The following EXOC6 variants were observed in gnomAD, a reference collection of about 807,000 sequenced individuals.
The protein encoded by EXOC6 is SEC15-like 1.
A neutral mutation model predicts 112.5 loss-of-function variants in EXOC6; 60 were observed. That is an observed-to-expected ratio of 0.53 (90% CI 0.43 to 0.66). The LOEUF is 0.66. Among genes scored for constraint, EXOC6 ranks in the 30% least tolerant of loss-of-function variants. The probability of loss-of-function intolerance (pLI) is 0.00; values close to 1 mark genes in which losing one functional copy is unlikely to be tolerated. For synonymous variants in EXOC6, 295 were observed against 308.0 expected, an observed-to-expected ratio of 0.96 and a Z score of 0.44; for missense variants, 855 against 957.1, an observed-to-expected ratio of 0.89 and a Z score of 1.41.
intron 14 of EXOC6, 141 bp from the exon 15 acceptor site, chr10:92,952,132 C>A (rs1454477000): frequency 5.2e-6 from 3 of 581,872 alleles, no homozygotes; most frequent in African/African-American, 1.9e-5. Context: ...GATAAAATAT[C>A]AAAAATGTAG....
At chr10:92,944,254 G>A (rs566418296) in intron 13 of EXOC6, among the ~76,000 whole-genome samples, 2 of 149,226 alleles carry the variant, frequency 1.3e-5, no homozygotes, top group Non-Finnish European at 3.0e-5. Context: ...TATTTTTTTT[G>A]AGACAGAGTC....
intron 19 of EXOC6, among the ~76,000 whole-genome samples, chr10:93,004,328 GTTTA>G (rs1188028774): frequency 1.3e-5 from 2 of 150,084 alleles, no homozygotes; most frequent in Non-Finnish European, 3.0e-5. Flanking sequence ...ACAGATGTTT[GTTTA>G]TTGACTAAAT....
chr10:92,882,348 A>C (rs1849008134), intron 1 of EXOC6, among the ~76,000 whole-genome samples: 1 of 152,104 alleles, frequency 6.6e-6, no homozygotes, highest in Admixed American at 6.6e-5. Flanking sequence ...GTTCGAGACC[A>C]GCCTGGTCAA....
At chr10:92,947,941 T>C (rs1853135442) in intron 13 of EXOC6, among the ~76,000 whole-genome samples, 1 of 152,096 alleles carries the variant, frequency 6.6e-6, no homozygotes, top group Admixed American at 6.5e-5. Flanking sequence ...ACAGGAATAC[T>C]TTCCATTACG....
intron 18 of EXOC6, among the ~76,000 whole-genome samples, chr10:92,984,790 T>A (rs982213266): frequency 2.0e-5 from 3 of 152,040 alleles, no homozygotes; most frequent in African/African-American, 7.2e-5. Flanking sequence ...TGTTTTAAAA[T>A]TTGAATTCTT....
At chr10:92,940,920 T>C (rs1193138843) in intron 13 of EXOC6, 96 bp downstream of exon 13, 5 of 821,304 alleles carry the variant, frequency 6.1e-6, no homozygotes, top group Non-Finnish European at 9.8e-6. Flanking sequence ...TTATAATCAT[T>C]TTTATTGTAG....
rs144255142 is a variant in EXOC6 at position 92,959,203 on chromosome 10, A to T, written c.1773+3489A>T. On this transcript the variant is annotated intron_variant, in intron 17 of 21. Coordinates refer to ENST00000260762, the MANE Select transcript of EXOC6 (RefSeq NM_019053.6). ...AAGACCCCAGAAATAGACCCACATA[A>T]ATATAGTCAACTGAATTTTGACAAA... Among the ~76,000 whole-genome samples, 350 of 152,332 alleles carry T rather than the reference A, an allele frequency of 2.3e-3. 1 individual carries two copies. The highest frequency in any genetic ancestry group is 7.7e-3 in the African/African-American group (322 of 41,566).
chr10:92,995,218 T>C (rs1843435641), intron 18 of EXOC6, among the ~76,000 whole-genome samples: 1 of 152,160 alleles, frequency 6.6e-6, no homozygotes, highest in Non-Finnish European at 1.5e-5. Flanking sequence ...TGTGTATGTA[T>C]GTGTGCATGT....
rs570165521 is a variant in EXOC6 at position 93,056,868 on chromosome 10, G to T, written c.2170-56G>T. 9.6e-6 allele frequency: 9 copies of T among 937,546 alleles called. No individual in the cohort carries two copies. The African/African-American group carries it at 1.5e-4, about 16-fold the overall frequency. 58.1% of individuals were successfully genotyped at this position (937,546 alleles called of 1,614,324 possible). On this transcript the variant is annotated intron_variant, in intron 20 of 21. Coordinates refer to ENST00000260762, the MANE Select transcript of EXOC6 (RefSeq NM_019053.6). The stretch of plus-strand genomic sequence containing the variant: ...GGACCAAGGATAGCATATAATTTAA[G>T]TATTAACTGGGTAAATAATCAAAAG...
At chr10:93,048,106 T>A (rs532449110) in intron 20 of EXOC6, among the ~76,000 whole-genome samples, 3 of 152,320 alleles carry the variant, frequency 2.0e-5, no homozygotes, top group African/African-American at 4.8e-5. Context: ...AAGCAAGCCA[T>A]GCCTGTGTGT....
intron 20 of EXOC6, among the ~76,000 whole-genome samples, chr10:93,050,759 CAAAAAAAAAAA>C (rs58439083): frequency 2.1e-4 from 8 of 37,308 alleles, no homozygotes; most frequent in African/African-American, 8.6e-4. Context: ...GACTCCGTCT[CAAAAAAAAAAA>C]AAAAAAAAAA....
rs181070227 is a variant in EXOC6 at position 92,863,593 on chromosome 10, C to T, written c.101+14959C>T. Among the ~76,000 whole-genome samples, 839 of 152,124 alleles carry T rather than the reference C, an allele frequency of 5.5e-3. 2 individuals carry two copies. The highest frequency in any genetic ancestry group is 8.5e-3 in the Non-Finnish European group (580 of 67,988). On this transcript the variant is annotated intron_variant, in intron 1 of 21. Coordinates refer to ENST00000260762, the MANE Select transcript of EXOC6 (RefSeq NM_019053.6). ...AGGAGGTTGAGACCAGCCTGGGCAA[C>T]ATGGAGAGATCCCATCTCTACAAAA...
chr10:92,978,101 G>C (rs2134111446), intron 18 of EXOC6, among the ~76,000 whole-genome samples: 1 of 152,096 alleles, frequency 6.6e-6, no homozygotes, highest in South Asian at 2.1e-4. Flanking sequence ...GAAAATAATA[G>C]TTTACACCTA....
intron 19 of EXOC6, among the ~76,000 whole-genome samples, chr10:93,003,426 A>G (rs1254154011): frequency 1.3e-5 from 2 of 152,182 alleles, no homozygotes; most frequent in Non-Finnish European, 2.9e-5. Context: ...CTATGTGCTC[A>G]TTTGTTTTTT....
intron 20 of EXOC6, among the ~76,000 whole-genome samples, chr10:93,044,026 C>T (rs1845899630): frequency 6.6e-6 from 1 of 152,206 alleles, no homozygotes; most frequent in African/African-American, 2.4e-5. Context: ...ACTAACTAAG[C>T]ATTCAAGCAA....
chr10:92,898,161 G>A (rs1849929961), intron 4 of EXOC6, among the ~76,000 whole-genome samples: 1 of 151,950 alleles, frequency 6.6e-6, no homozygotes, highest in Non-Finnish European at 1.5e-5. Flanking sequence ...ACTCATGACT[G>A]TAATCCCAGC....
intron 19 of EXOC6, among the ~76,000 whole-genome samples, chr10:93,004,427 C>T (rs1252905825): frequency 6.6e-6 from 1 of 152,128 alleles, no homozygotes; most frequent in East Asian, 1.9e-4. Flanking sequence ...AGTTAAGACC[C>T]AGCTGATACT....
chr10:93,039,723 C>CT (rs1467288892), intron 20 of EXOC6, among the ~76,000 whole-genome samples: 7 of 152,214 alleles, frequency 4.6e-5, no homozygotes, highest in African/African-American at 1.7e-4. Context: ...CACCTTCCAA[C>CT]TTTTTTCCTG....
intron 20 of EXOC6, among the ~76,000 whole-genome samples, chr10:93,042,118 A>G (rs2134335598): frequency 6.6e-6 from 1 of 152,088 alleles, no homozygotes; most frequent in Admixed American, 6.5e-5. Flanking sequence ...GTCTTATACT[A>G]CCCCCTTACT....
Sources: gnomAD v4.1 joint callset for allele counts (sites outside exome capture counted in the v4.1 genomes callset) on GRCh38, gnomAD v4.1.1 for gene constraint, MANE v1.5 for transcripts, NCBI Gene and HGNC (gene_info 2026-07-23, HGNC 2026-07-21) for gene names.